The following WT1 variants were observed in gnomAD, a reference collection of about 807,000 sequenced individuals.
WT1 encodes the protein Wilms tumor protein.
In WT1, 8 loss-of-function variants were observed where a neutral mutation model predicts 60.8. The observed-to-expected ratio is 0.13, with a 90% CI of 0.08 to 0.24. The LOEUF is 0.24. WT1 is among the 10% of genes least tolerant of loss of function. WT1 has a pLI of 1.00. For synonymous variants in WT1, 312 were observed against 297.1 expected, an observed-to-expected ratio of 1.05 and a Z score of -0.52; for missense variants, 568 against 711.8, an observed-to-expected ratio of 0.80 and a Z score of 2.30.
chr11:32,389,481 C>T (rs571741446), intron 9 of WT1, among the ~76,000 whole-genome samples: 12 of 152,274 alleles, frequency 7.9e-5, no homozygotes, highest in South Asian at 2.1e-4. Context: ...AGGGGAAAAA[C>T]GTTTGTTTCA....
chr11:32,408,955 T>C (rs78397242), intron 5 of WT1, among the ~76,000 whole-genome samples: 1,525 of 152,268 alleles, frequency 0.01, 26 homozygotes, highest in African/African-American at 0.035. Flanking sequence ...GATCCAGGAG[T>C]ATTCCCTAGG....
At chr11:32,411,398 G>A (rs1223905590) in intron 5 of WT1, among the ~76,000 whole-genome samples, 2 of 152,106 alleles carry the variant, frequency 1.3e-5, no homozygotes, top group Non-Finnish European at 2.9e-5. Flanking sequence ...ACTTCGTGAT[G>A]GCCTATAAAT....
At chr11:32,415,667 T>G (rs1177799875) in intron 5 of WT1, among the ~76,000 whole-genome samples, 1 of 152,014 alleles carries the variant, frequency 6.6e-6, no homozygotes, top group Non-Finnish European at 1.5e-5. Context: ...AGAGAATGGG[T>G]AGAAAGACAG....
chr11:32,391,656 C>T (rs184900368), intron 9 of WT1, among the ~76,000 whole-genome samples: 75 of 152,284 alleles, frequency 4.9e-4, no homozygotes, highest in Middle Eastern at 3.4e-3. Flanking sequence ...AGTTGATTAT[C>T]GTATCAAAGA....
chr11:32,390,033 A>G (rs1205268282), intron 9 of WT1, among the ~76,000 whole-genome samples: 1 of 152,178 alleles, frequency 6.6e-6, no homozygotes, highest in South Asian at 2.1e-4. Context: ...TCTACAGATG[A>G]GGTAGGACAT....
chr11:32,403,456 A>C (rs559389088), intron 5 of WT1, among the ~76,000 whole-genome samples: 1 of 152,318 alleles, frequency 6.6e-6, no homozygotes, highest in African/African-American at 2.4e-5. Flanking sequence ...ACAGTTGATC[A>C]ACATGACTGG....
intron 2 of WT1, 128 bp downstream of exon 2, chr11:32,428,369 G>T (rs994957369): frequency 3.4e-6 from 5 of 1,489,192 alleles, no homozygotes; most frequent in Non-Finnish European, 4.6e-6. Context: ...TGCCATTGGG[G>T]TAATGATTTC....
Position 32,434,779 on chromosome 11 carries a change from T to A in WT1, c.582A>T (p.Ser194=), listed in dbSNP as rs1302907380. 3 of 1,612,696 alleles carry A rather than the reference T, an allele frequency of 1.9e-6. No individual in the cohort carries two copies. The highest frequency in any genetic ancestry group is 2.2e-5 in the East Asian group (1 of 44,870). Residue 194 remains serine, a synonymous_variant, in exon 1 of 10, where the codon TCA becomes TCT. Coordinates refer to ENST00000452863, the MANE Select transcript of WT1 (RefSeq NM_024426.6). Reference sequence around the variant, plus strand: ...TAGGAAACATCCTGGCCTGGCCGGATGACGCCTGGCTGGGCGGAGGAGGAC... The same window carrying A: ...TAGGAAACATCCTGGCCTGGCCGGAAGACGCCTGGCTGGGCGGAGGAGGAC...
intron 6 of WT1, among the ~76,000 whole-genome samples, chr11:32,398,251 G>A (rs907623240): frequency 6.6e-6 from 1 of 152,096 alleles, no homozygotes; most frequent in Non-Finnish European, 1.5e-5. Context: ...TATCATGTGG[G>A]GTCTGGCCCA....
chr11:32,393,067 T>A (rs1851864747), intron 7 of WT1, among the ~76,000 whole-genome samples: 1 of 151,630 alleles, frequency 6.6e-6, no homozygotes, highest in African/African-American at 2.4e-5. Context: ...GACCTTCACA[T>A]AAAGGGCTCA....
At chr11:32,418,735 T>A (rs745710747) in intron 3 of WT1, among the ~76,000 whole-genome samples, 46 of 152,102 alleles carry the variant, frequency 3.0e-4, no homozygotes, top group Non-Finnish European at 5.6e-4. Context: ...CAAGCATAAC[T>A]GGGAACTTGA....
At chr11:32,416,356 G>C in intron 5 of WT1, 134 bp downstream of exon 5, 2 of 1,066,484 alleles carry the variant, frequency 1.9e-6, no homozygotes, top group African/African-American at 1.5e-5. Flanking sequence ...AGGTGGGGGC[G>C]GGGGAGAGAG....
intron 1 of WT1, chr11:32,430,861 A>T (rs1564998186): frequency 8.2e-7 from 1 of 1,226,558 alleles, no homozygotes; most frequent in East Asian, 3.3e-5. Context: ...CTTATCGGAC[A>T]CGGGTTTGAT....
At chr11:32,412,610 A>G (rs1852536627) in intron 5 of WT1, among the ~76,000 whole-genome samples, 1 of 151,810 alleles carries the variant, frequency 6.6e-6, no homozygotes, top group Admixed American at 6.6e-5. Flanking sequence ...ATGTTTTCAA[A>G]GAAATAGAAA....
chr11:32,433,746 C>T (rs1853387351), intron 1 of WT1, among the ~76,000 whole-genome samples: 1 of 152,350 alleles, frequency 6.6e-6, no homozygotes, highest in South Asian at 2.1e-4. Flanking sequence ...CGGGCATCGG[C>T]GCGGGATGAG....
chr11:32,428,703 G>GA, intron 1 of WT1, 84 bp from the exon 2 acceptor site: 8 of 1,553,712 alleles, frequency 5.1e-6, no homozygotes, highest in Non-Finnish European at 6.9e-6. Flanking sequence ...ACGGGCGGGG[G>GA]GGGTGTGCGC....
At chr11:32,418,130 A>G (rs1272021374) in intron 3 of WT1, among the ~76,000 whole-genome samples, 2 of 151,792 alleles carry the variant, frequency 1.3e-5, no homozygotes, top group Non-Finnish European at 2.9e-5. Flanking sequence ...GTGATGGGTG[A>G]TAAATGGTCT....
chr11:32,413,640 A>G (rs1362026650), intron 5 of WT1, among the ~76,000 whole-genome samples: 1 of 152,250 alleles, frequency 6.6e-6, no homozygotes, highest in Non-Finnish European at 1.5e-5. Flanking sequence ...GTACATCACA[A>G]TCAGCATTTT....
intron 4 of WT1, chr11:32,417,282 A>C: frequency 2.4e-6 from 1 of 416,844 alleles, no homozygotes; most frequent in East Asian, 4.7e-5. Flanking sequence ...AGTAAAACAC[A>C]ATTATTAAAT....
Sources: gnomAD v4.1 joint callset for allele counts (sites outside exome capture counted in the v4.1 genomes callset) on GRCh38, gnomAD v4.1.1 for gene constraint, MANE v1.5 for transcripts, NCBI Gene and HGNC (gene_info 2026-07-23, HGNC 2026-07-21) for gene names.